The following ONECUT2 variants were observed in gnomAD, a reference collection of about 807,000 sequenced individuals.
ONECUT2 encodes one cut domain family member 2.
Under a neutral mutation model 27.9 loss-of-function variants are expected in ONECUT2, and 10 were observed. The ratio of observed to expected loss-of-function variants is 0.36; its 90% CI spans 0.22 to 0.61. ONECUT2 has a LOEUF of 0.61. Ranked by LOEUF, ONECUT2 falls within the 20% of genes least tolerant of loss-of-function variation. The pLI is 0.73. For synonymous variants in ONECUT2, 334 were observed against 315.1 expected (o/e 1.06, Z -0.64); for missense variants, 686 against 721.0 (o/e 0.95, Z 0.56).
chr18:57,436,595 C>T lies in ONECUT2; in HGVS notation c.879C>T (p.Asn293=), dbSNP rs753408085. 4.3e-6 allele frequency: 7 copies of T among 1,610,444 alleles called. No homozygotes were observed. In the East Asian group the frequency reaches 8.9e-5, roughly 21 times the overall value. The change falls in exon 1 of 2, where the codon AAC becomes AAT. Residue 293 remains asparagine (N), a synonymous_variant. Coordinates refer to ENST00000491143, the MANE Select transcript of ONECUT2 (RefSeq NM_004852.3). The surrounding 1 kb of genome is among the most constrained non-coding windows in gnomAD (Gnocchi z 5.9). ...TPPAAMMSHL[N]GLHHPGHTQS... ...CTGCGGCCATGATGTCGCACCTGAACGGCCTGCACCACCCGGGCCACACTC... is the reference window on the plus strand; with the variant it reads ...CTGCGGCCATGATGTCGCACCTGAATGGCCTGCACCACCCGGGCCACACTC...
At chr18:57,442,927 G>A (rs1185280187) in intron 1 of ONECUT2, among the ~76,000 whole-genome samples, 1 of 152,144 alleles carries the variant, frequency 6.6e-6, no homozygotes, top group African/African-American at 2.4e-5. Flanking sequence ...GAGGGAAGGA[G>A]AGCCAGCCTC....
At chr18:57,437,130 T>C (rs2050147041) in intron 1 of ONECUT2, among the ~76,000 whole-genome samples, 186 bp downstream of exon 1, 2 of 152,328 alleles carry the variant, frequency 1.3e-5, no homozygotes, top group African/African-American at 4.8e-5. Flanking sequence ...CTTCCCCTAC[T>C]TTCCCTTCTC....
At chr18:57,470,116 G>A (rs2050345074) in intron 1 of ONECUT2, among the ~76,000 whole-genome samples, 1 of 152,222 alleles carries the variant, frequency 6.6e-6, no homozygotes, top group African/African-American at 2.4e-5. Context: ...TTGGCTGGGT[G>A]TGTCTGCTGA....
In ONECUT2 at chr18:57,478,039, G is replaced by A. The variant is rs1018740272; in HGVS notation, c.*1316G>A. ...TGCAAACCAAAGACATTTATGACTT[G>A]TCATTTTCTAGCCTAAAAATACTGT... On this transcript the variant is annotated 3_prime_UTR_variant, in exon 2 of 2. Coordinates refer to ENST00000491143, the MANE Select transcript of ONECUT2 (RefSeq NM_004852.3). 3 of 152,652 alleles carry A rather than the reference G, an allele frequency of 2.0e-5. No homozygotes were observed. Among genetic ancestry groups the A allele is most frequent in the African/African-American group, 7.2e-5 (3 of 41,462 alleles). The allele number at this position is 152,652 out of a possible 1,614,324, so 9.5% of individuals were successfully genotyped here.
intron 1 of ONECUT2, among the ~76,000 whole-genome samples, chr18:57,446,609 T>C (rs1407223506): frequency 6.6e-6 from 1 of 152,194 alleles, no homozygotes; most frequent in Non-Finnish European, 1.5e-5. Context: ...TTCACTTTGT[T>C]CCTAATATCC....
chr18:57,447,943 G>A (rs2050209889), intron 1 of ONECUT2, among the ~76,000 whole-genome samples: 1 of 152,136 alleles, frequency 6.6e-6, no homozygotes, highest in Admixed American at 6.5e-5. Context: ...CCTACGAAGG[G>A]CCAGAGATGT....
chr18:57,435,654 G>T lies in ONECUT2; in HGVS notation c.-63G>T, dbSNP rs1392131983. 1 of 967,204 alleles carries T rather than the reference G, an allele frequency of 1.0e-6. No individual in the cohort carries two copies. The highest frequency in any genetic ancestry group is 1.2e-6 in the Non-Finnish European group (1 of 808,674). The allele number at this position is 967,204 out of a possible 1,614,324, so 59.9% of individuals were successfully genotyped here. Reference sequence around the variant, plus strand: ...CTCCCGCAGCCGAGCCCCGCCACGCGCGCCTTGCCCGCCCGCCGGCCGCCC... The same window carrying T: ...CTCCCGCAGCCGAGCCCCGCCACGCTCGCCTTGCCCGCCCGCCGGCCGCCC... On this transcript the variant is annotated 5_prime_UTR_variant, in exon 1 of 2. Coordinates refer to ENST00000491143, the MANE Select transcript of ONECUT2 (RefSeq NM_004852.3).
At chr18:57,473,123 C>G (rs985107806) in intron 1 of ONECUT2, among the ~76,000 whole-genome samples, 4 of 152,172 alleles carry the variant, frequency 2.6e-5, no homozygotes, top group Non-Finnish European at 4.4e-5. Context: ...ATTCCAGAAC[C>G]TTGCCCCACA....
At position 57,436,422 on chromosome 18, in the gene ONECUT2, C is replaced by G. The variant is rs780060502; in HGVS notation, c.706C>G (p.Leu236Val). 1.2e-6 allele frequency: 2 copies of G among 1,611,960 alleles called. No individual in the cohort carries two copies. The highest frequency in any genetic ancestry group is 1.7e-6 in the Non-Finnish European group (2 of 1,179,872). ...PLAATPLGNG[L>V]GGLHNAQQSL... ...GGCCGCCACGCCGCTGGGCAACGGG[C>G]TAGGCGGCCTCCACAACGCGCAGCA... is the stretch of plus-strand genomic sequence containing the variant. Residue 236 changes from leucine (L) to valine (V), a missense_variant, in exon 1 of 2, where the codon CTA (leucine) becomes GTA (valine). Leu to Val is a conservative substitution (Grantham distance 32, BLOSUM62 1). This residue lies in a region of ONECUT2 where 511 missense variants were observed against 488.1 expected (regional missense o/e 1.05). Coordinates refer to ENST00000491143, the MANE Select transcript of ONECUT2 (RefSeq NM_004852.3). This position sits in a 1 kb window ranked among gnomAD's most constrained non-coding sequence, Gnocchi z 5.9.
intron 1 of ONECUT2, among the ~76,000 whole-genome samples, chr18:57,447,691 C>A (rs2050208307): frequency 6.6e-6 from 1 of 152,130 alleles, no homozygotes; most frequent in South Asian, 2.1e-4. Flanking sequence ...CACGCCCCAC[C>A]CCCCAGGTAT....
In ONECUT2 at chr18:57,481,605, C is replaced by T. The variant is rs1399119142; in HGVS notation, c.*4882C>T. ...TATTATCTGGGTATGGGGGAAACTT[C>T]CCCACTTTTGAAAATGTTGGTAGAA... On this transcript the variant is annotated 3_prime_UTR_variant, in exon 2 of 2. Coordinates refer to ENST00000491143, the MANE Select transcript of ONECUT2 (RefSeq NM_004852.3). The T allele has an allele frequency of 1.3e-5, 2 of 152,160 alleles. No individual in the cohort carries two copies. The highest frequency in any genetic ancestry group is 2.9e-5 in the Non-Finnish European group (2 of 68,022). 9.4% of individuals were successfully genotyped at this position (152,160 alleles called of 1,614,324 possible).
chr18:57,455,427 G>C (rs1339405257), intron 1 of ONECUT2, among the ~76,000 whole-genome samples: 1 of 152,140 alleles, frequency 6.6e-6, no homozygotes, highest in African/African-American at 2.4e-5. Context: ...TTACTTTCAA[G>C]CATTAATTGT....
At chr18:57,471,132 C>T (rs57196786) in intron 1 of ONECUT2, among the ~76,000 whole-genome samples, 2,632 of 152,278 alleles carry the variant, frequency 0.017, 88 homozygotes, top group African/African-American at 0.06. Flanking sequence ...CACCCTGTCC[C>T]GCCTCCCTTT....
chr18:57,465,742 C>T (rs2050317784), intron 1 of ONECUT2, among the ~76,000 whole-genome samples: 1 of 152,178 alleles, frequency 6.6e-6, no homozygotes, highest in Admixed American at 6.5e-5. Context: ...CCCATTCTGG[C>T]TTGCCATGGT....
intron 1 of ONECUT2, among the ~76,000 whole-genome samples, chr18:57,439,779 A>T (rs2050164116): frequency 6.6e-6 from 1 of 152,100 alleles, no homozygotes; most frequent in African/African-American, 2.4e-5. Context: ...TGCCTGGAAG[A>T]CACCGTCCCT....
chr18:57,446,572 A>C (rs1598932306), intron 1 of ONECUT2, among the ~76,000 whole-genome samples: 1 of 152,138 alleles, frequency 6.6e-6, no homozygotes, highest in Admixed American at 6.5e-5. Flanking sequence ...TAAGCCCTGC[A>C]CCTTCCACAA....
rs2050447376 is a variant in ONECUT2 at position 57,488,195 on chromosome 18, T to A, written c.*11472T>A. 1 of 152,676 alleles carries A rather than the reference T, an allele frequency of 6.5e-6. No individual in the cohort carries two copies. Among genetic ancestry groups the A allele is most frequent in the South Asian group, 2.1e-4 (1 of 4,834 alleles). The allele number at this position is 152,676 out of a possible 1,614,324, so 9.5% of individuals were successfully genotyped here. Reference sequence around the variant, plus strand: ...GATATATAGTCTTTTTATTTTTCTCTTATTAATCTGCCAAAGATGGGAACA... The same window carrying A: ...GATATATAGTCTTTTTATTTTTCTCATATTAATCTGCCAAAGATGGGAACA... On this transcript the variant is annotated 3_prime_UTR_variant, in exon 2 of 2. Coordinates refer to ENST00000491143, the MANE Select transcript of ONECUT2 (RefSeq NM_004852.3).
At position 57,476,893 on chromosome 18, in the gene ONECUT2, T is replaced by A. The variant is rs1029070347; in HGVS notation, c.*170T>A. The A allele has an allele frequency of 3.9e-6, 3 of 765,362 alleles. No individual in the cohort carries two copies. The African/African-American group carries it at 5.3e-5, about 14-fold the overall frequency. The allele number at this position is 765,362 out of a possible 1,614,324, so 47.4% of individuals were successfully genotyped here. On this transcript the variant is annotated 3_prime_UTR_variant, in exon 2 of 2. Transcript: ENST00000491143. ...ATTCTAGCTGTAATCATAGGCCAGG[T>A]GTTCTTCTTTTGTTTTTAATGGCTA... is the stretch of plus-strand genomic sequence containing the variant.
intron 1 of ONECUT2, among the ~76,000 whole-genome samples, chr18:57,460,916 C>A (rs2050287616): frequency 6.6e-6 from 1 of 152,122 alleles, no homozygotes; most frequent in Non-Finnish European, 1.5e-5. Flanking sequence ...GTCTCAAATG[C>A]CTGAGTTCAA....
Sources: allele counts gnomAD v4.1 joint callset (sites outside exome capture counted in the v4.1 genomes callset), GRCh38; gene constraint gnomAD v4.1.1; regional missense constraint gnomAD v4.1.1; non-coding constraint Gnocchi (gnomAD v3.1); transcripts MANE v1.5; gene names NCBI Gene and HGNC (gene_info 2026-07-23, HGNC 2026-07-21).